KHDRBS2: variants seen among roughly 807,000 people sequenced by gnomAD.
KHDRBS2 encodes the protein KH domain-containing, RNA-binding, signal transduction-associated protein 2.
KHDRBS2 carries 26 observed loss-of-function variants against 44.3 expected under a neutral mutation model. That is an observed-to-expected ratio of 0.59 (90% CI 0.43 to 0.81). The LOEUF (loss-of-function observed/expected upper bound fraction) is 0.81, where lower values mean the gene tolerates loss of function less well. Among genes scored for constraint, KHDRBS2 ranks in the 40% least tolerant of loss-of-function variants. The pLI, the probability that KHDRBS2 is intolerant of heterozygous loss-of-function variation, is 0.00. For synonymous variants in KHDRBS2, 194 were observed against 151.1 expected, an observed-to-expected ratio of 1.28 and a Z score of -2.08; for missense variants, 476 against 433.1, an observed-to-expected ratio of 1.10 and a Z score of -0.88.
At chr6:62,050,045 G>A (rs772582438) in intron 2 of KHDRBS2, among the ~76,000 whole-genome samples, 12 of 151,960 alleles carry the variant, frequency 7.9e-5, no homozygotes, top group Non-Finnish European at 1.3e-4. Flanking sequence ...CAACCCAAAT[G>A]CCCATCAATA....
downstream of KHDRBS2, among the ~76,000 whole-genome samples, chr6:61,678,601 T>G (rs370186559): frequency 2.3e-3 from 346 of 152,032 alleles, 2 homozygotes; most frequent in African/African-American, 8.1e-3. Context: ...AGGTAGAATA[T>G]AGTAGTTCAT....
the KHDRBS2 span, among the ~76,000 whole-genome samples, chr6:61,585,381 C>T: frequency 6.6e-6 from 1 of 152,092 alleles, no homozygotes; most frequent in South Asian, 2.1e-4. Flanking sequence ...AATAATAATT[C>T]AGTGGTACTG....
intron 6 of KHDRBS2, among the ~76,000 whole-genome samples, chr6:61,834,444 G>C (rs1276903315): frequency 6.6e-6 from 1 of 152,060 alleles, no homozygotes; most frequent in Non-Finnish European, 1.5e-5. Flanking sequence ...CAGATAAGAT[G>C]AGTTCTTTTA....
At chr6:61,787,414 A>G (rs1156242611) in intron 6 of KHDRBS2, among the ~76,000 whole-genome samples, 2 of 151,806 alleles carry the variant, frequency 1.3e-5, no homozygotes, top group Non-Finnish European at 3.0e-5. Context: ...TATGACAGAT[A>G]CTATTCTACA....
intron 6 of KHDRBS2, among the ~76,000 whole-genome samples, chr6:61,776,868 G>C (rs1192168219): frequency 6.6e-6 from 1 of 152,124 alleles, no homozygotes; most frequent in African/African-American, 2.4e-5. Context: ...ATTCACAATA[G>C]GAAATACTTG....
chr6:61,548,916 C>G, the KHDRBS2 span, among the ~76,000 whole-genome samples: 1 of 151,990 alleles, frequency 6.6e-6, no homozygotes, highest in Non-Finnish European at 1.5e-5. Context: ...AACTCCAACA[C>G]CATAAATAGT....
the KHDRBS2 span, among the ~76,000 whole-genome samples, chr6:61,561,457 C>T: frequency 6.6e-6 from 1 of 152,186 alleles, no homozygotes; most frequent in African/African-American, 2.4e-5. Context: ...GGGCCACAGG[C>T]AAGTTCAGAG....
At chr6:62,123,733 C>T (rs753249555) in intron 2 of KHDRBS2, among the ~76,000 whole-genome samples, 5 of 152,156 alleles carry the variant, frequency 3.3e-5, no homozygotes, top group East Asian at 1.9e-4. Flanking sequence ...TAATGCCACT[C>T]GATGAGATGC....
the KHDRBS2 span, among the ~76,000 whole-genome samples, chr6:61,566,565 C>T: frequency 1.3e-5 from 2 of 151,950 alleles, no homozygotes; most frequent in Non-Finnish European, 2.9e-5. Flanking sequence ...GAATACCTTC[C>T]CAAGGTTAGT....
chr6:61,580,240 G>A, the KHDRBS2 span, among the ~76,000 whole-genome samples: 1 of 152,148 alleles, frequency 6.6e-6, no homozygotes, highest in Non-Finnish European at 1.5e-5. Context: ...AGCCAGCTGG[G>A]CTTCTGGCAT....
chr6:62,158,738 C>T (rs1562971682), intron 2 of KHDRBS2, among the ~76,000 whole-genome samples: 1 of 151,976 alleles, frequency 6.6e-6, no homozygotes, highest in Non-Finnish European at 1.5e-5. Flanking sequence ...CTTCTCTGTT[C>T]CTCTCAACAC....
chr6:62,281,020 T>G (rs1445059591), intron 1 of KHDRBS2, among the ~76,000 whole-genome samples: 2 of 151,964 alleles, frequency 1.3e-5, no homozygotes, highest in Non-Finnish European at 2.9e-5. Flanking sequence ...CTGCTGAGAG[T>G]GAAGAACATG....
chr6:62,159,912 T>C (rs1346344851), intron 2 of KHDRBS2, among the ~76,000 whole-genome samples: 1 of 151,974 alleles, frequency 6.6e-6, no homozygotes, highest in Non-Finnish European at 1.5e-5. Context: ...AGAGGTGGAG[T>C]TGATCTTGCA....
At chr6:61,720,714 C>A (rs1178069439) in intron 7 of KHDRBS2, among the ~76,000 whole-genome samples, 1 of 151,888 alleles carries the variant, frequency 6.6e-6, no homozygotes, top group Non-Finnish European at 1.5e-5. Flanking sequence ...AAAATTTTCT[C>A]CCATTTTATA....
intron 8 of KHDRBS2, among the ~76,000 whole-genome samples, chr6:61,681,263 A>C (rs903859810): frequency 1.3e-5 from 2 of 151,960 alleles, no homozygotes; most frequent in African/African-American, 4.8e-5. Context: ...TGTTAGATTT[A>C]AATGCCACAA....
At chr6:62,007,409 T>C (rs1217279366) in intron 3 of KHDRBS2, among the ~76,000 whole-genome samples, 1 of 152,032 alleles carries the variant, frequency 6.6e-6, no homozygotes, top group Non-Finnish European at 1.5e-5. Context: ...GATGTTTTTT[T>C]TTTTCTTTTG....
At chr6:62,212,224 C>T (rs548792376) in intron 1 of KHDRBS2, among the ~76,000 whole-genome samples, 58 of 151,994 alleles carry the variant, frequency 3.8e-4, no homozygotes, top group Middle Eastern at 6.8e-3. Flanking sequence ...TAGGTAAATG[C>T]TATACATAAT....
chr6:61,553,613 T>A, the KHDRBS2 span, among the ~76,000 whole-genome samples: 7 of 152,220 alleles, frequency 4.6e-5, no homozygotes, highest in African/African-American at 7.2e-5. Flanking sequence ...TGCTTTGAAA[T>A]TTTTCCAACT....
intron 4 of KHDRBS2, among the ~76,000 whole-genome samples, chr6:61,955,370 G>A (rs533563023): frequency 9.2e-6 from 1 of 108,298 alleles, no homozygotes; most frequent in Non-Finnish European, 1.9e-5. Flanking sequence ...ATACATATAC[G>A]TGTATATATA....
Sources: allele counts gnomAD v4.1 joint callset (sites outside exome capture counted in the v4.1 genomes callset), GRCh38; gene constraint gnomAD v4.1.1; transcripts MANE v1.5; gene names NCBI Gene and HGNC (gene_info 2026-07-23, HGNC 2026-07-21).